The following TF variants were observed in gnomAD, a reference collection of about 807,000 sequenced individuals.
TF encodes the protein serotransferrin.
A neutral mutation model predicts 82.4 loss-of-function variants in TF; 55 were observed. The observed-to-expected ratio is 0.67, with a 90% CI of 0.54 to 0.84. TF has a LOEUF of 0.84. TF is among the 40% of genes least tolerant of loss of function. TF has a pLI of 0.00. For missense variants in TF, 737 were observed against 868.4 expected (o/e 0.85, Z 1.90); for synonymous variants, 332 against 332.6 (o/e 1.00, Z 0.02).
chr3:133,678,120 C>T, the TF span, among the ~76,000 whole-genome samples: 2 of 152,162 alleles, frequency 1.3e-5, no homozygotes, highest in Non-Finnish European at 2.9e-5. Context: ...ATTTGGTTTT[C>T]TGTTCCTGTG....
the TF span, among the ~76,000 whole-genome samples, chr3:133,686,533 G>A: frequency 6.6e-6 from 1 of 152,158 alleles, no homozygotes; most frequent in Non-Finnish European, 1.5e-5. Flanking sequence ...CAAAATGTGG[G>A]CAGAGGATAT....
Position 133,775,496 on chromosome 3 carries a change from A to G in TF, c.1751A>G (p.Asp584Gly), listed in dbSNP as rs751813444. The change falls in exon 15 of 17, where the codon GAT (aspartate) becomes GGT (glycine). Residue 584 changes from aspartate (D) to glycine (G), a missense_variant. Physicochemically the swap from Asp to Gly is moderately conservative, Grantham distance 94 (BLOSUM62 -1). Coordinates refer to ENST00000402696, the MANE Select transcript of TF (RefSeq NM_001063.4). ...NEKDYELLCL[D>G]GTRKPVEEYA... ...AAAGACTATGAGTTGCTGTGCCTTGATGGTACCAGGAAACCTGTGGAGGAG... is the reference window on the plus strand; with the variant it reads ...AAAGACTATGAGTTGCTGTGCCTTGGTGGTACCAGGAAACCTGTGGAGGAG... 6.2e-7 allele frequency: 1 copy of G among 1,614,186 alleles called. No homozygotes were observed. Among genetic ancestry groups the G allele is most frequent in the South Asian group, 1.1e-5 (1 of 91,078 alleles).
the TF span, among the ~76,000 whole-genome samples, chr3:133,699,149 G>A: frequency 7.2e-5 from 11 of 152,250 alleles, no homozygotes; most frequent in African/African-American, 2.4e-4. Flanking sequence ...TCTTTGATGA[G>A]CTATGAGTGC....
At chr3:133,704,065 C>CGGACA in the TF span, among the ~76,000 whole-genome samples, 3 of 152,154 alleles carry the variant, frequency 2.0e-5, no homozygotes, top group African/African-American at 7.2e-5. Context: ...AAGAGCATGT[C>CGGACA]CAGTTTTCTA....
intron 9 of TF, chr3:133,760,969 G>A (rs1193746961): frequency 6.5e-6 from 1 of 153,752 alleles, no homozygotes; most frequent in Non-Finnish European, 1.5e-5. Flanking sequence ...TAGTTTATTT[G>A]GTCCCACACC....
chr3:133,701,297 G>A, the TF span: 1 of 152,172 alleles, frequency 6.6e-6, no homozygotes, highest in East Asian at 1.9e-4. Flanking sequence ...TATTAGGTGG[G>A]GTCATCCCAC....
At chr3:133,715,853 A>G in the TF span, among the ~76,000 whole-genome samples, 2 of 152,182 alleles carry the variant, frequency 1.3e-5, no homozygotes, top group Admixed American at 1.3e-4. Flanking sequence ...AAACTATACC[A>G]GTGATCTCTG....
the TF span, among the ~76,000 whole-genome samples, chr3:133,736,023 A>C: frequency 1.3e-5 from 2 of 152,358 alleles, no homozygotes; most frequent in South Asian, 4.1e-4. Context: ...CCAAGATTGA[A>C]ATGAAGAAAA....
At chr3:133,666,747 T>C in the TF span, among the ~76,000 whole-genome samples, 27 of 152,142 alleles carry the variant, frequency 1.8e-4, no homozygotes, top group Middle Eastern at 3.4e-3. Flanking sequence ...ATTTAAAAAT[T>C]CAGGCCTGGC....
chr3:133,678,708 G>C, the TF span, among the ~76,000 whole-genome samples: 2 of 152,082 alleles, frequency 1.3e-5, no homozygotes, highest in Non-Finnish European at 2.9e-5. Flanking sequence ...TGATGGGGTT[G>C]TTTGCTTTTT....
At chr3:133,693,196 C>T in the TF span, among the ~76,000 whole-genome samples, 1 of 152,204 alleles carries the variant, frequency 6.6e-6, no homozygotes, top group African/African-American at 2.4e-5. Flanking sequence ...CAAGGGCCAT[C>T]ACTGAGGCCC....
At chr3:133,706,395 T>C in the TF span, among the ~76,000 whole-genome samples, 1 of 152,174 alleles carries the variant, frequency 6.6e-6, no homozygotes, top group East Asian at 1.9e-4. Flanking sequence ...TCCTCCGTTT[T>C]GTGCCTCCAG....
chr3:133,691,382 G>T, the TF span, among the ~76,000 whole-genome samples: 2 of 152,214 alleles, frequency 1.3e-5, no homozygotes, highest in African/African-American at 4.8e-5. Context: ...TGCTCCTCTA[G>T]GTGCTGGGAT....
chr3:133,662,048 G>A, the TF span: 2 of 152,298 alleles, frequency 1.3e-5, no homozygotes, highest in Non-Finnish European at 2.9e-5. Context: ...GCAGTCTGTG[G>A]GCGGTGGGGC....
the TF span, chr3:133,692,721 A>G: frequency 6.6e-6 from 1 of 152,172 alleles, no homozygotes; most frequent in African/African-American, 2.4e-5. Flanking sequence ...CCAGAAGATC[A>G]GTGACAATAT....
chr3:133,740,986 A>ATTTTTTT, the TF span, among the ~76,000 whole-genome samples: 5 of 47,480 alleles, frequency 1.1e-4, no homozygotes, highest in Admixed American at 3.4e-4. Flanking sequence ...ATCCAGCTCT[A>ATTTTTTT]TTTTTTTTTT....
rs763970993 is a variant in TF, at chr3:133,772,547, T to C, written c.1687+1975T>C. Among the ~76,000 whole-genome samples the C allele has an allele frequency of 1.6e-3, 239 of 152,330 alleles. 2 individuals are homozygous for C. The highest frequency in any genetic ancestry group is 2.6e-4 in the Non-Finnish European group (18 of 68,032). On this transcript the variant is annotated intron_variant, in intron 14 of 16. Coordinates refer to ENST00000402696, the MANE Select transcript of TF (RefSeq NM_001063.4). ...TGGATGTCCTCATATATTGTAGTTG[T>C]ATATATACAATCCATATACAACTCA...
At chr3:133,771,743 C>CAAAAAAAAAAAAAAAAAAAAAAAA (rs71136494) in intron 14 of TF, among the ~76,000 whole-genome samples, 6 of 56,550 alleles carry the variant, frequency 1.1e-4, no homozygotes, top group East Asian at 5.1e-4. Context: ...GACTCCGTCT[C>CAAAAAAAAAAAAAAAAAAAAAAAA]AAAAAAAAAA....
Position 133,748,674 on chromosome 3 carries a change from G to A in TF, c.216+90G>A, listed in dbSNP as rs751941151. ...GGAACAATTCTTTACTCACAGGTAGGAGGCTGATATATGGGGCAGTCAACC... is the reference window on the plus strand; with the variant it reads ...GGAACAATTCTTTACTCACAGGTAGAAGGCTGATATATGGGGCAGTCAACC... On this transcript the variant is annotated intron_variant, in intron 2 of 16. Coordinates refer to ENST00000402696, the MANE Select transcript of TF (RefSeq NM_001063.4). The A allele has an allele frequency of 1.0e-5, 15 of 1,502,044 alleles. No individual in the cohort carries two copies. The Admixed American group carries it at 2.1e-4, about 21-fold the overall frequency. 93.0% of individuals were successfully genotyped at this position (1,502,044 alleles called of 1,614,324 possible). A position where few individuals can be genotyped will look rare whatever the true frequency, so the allele number is the denominator to read the frequency against.
Sources: gnomAD v4.1 joint callset for allele counts (sites outside exome capture counted in the v4.1 genomes callset) on GRCh38, gnomAD v4.1.1 for gene constraint, MANE v1.5 for transcripts, NCBI Gene and HGNC (gene_info 2026-07-23, HGNC 2026-07-21) for gene names.